Variants in MBD5 observed in about 807,000 individuals in gnomAD.
MBD5 encodes methyl-CpG binding domain protein 5.
A neutral mutation model predicts 117.3 loss-of-function variants in MBD5; 13 were observed. The observed-to-expected ratio is 0.11, with a 90% CI of 0.07 to 0.18. The LOEUF (loss-of-function observed/expected upper bound fraction) is 0.18, where lower values mean the gene tolerates loss of function less well. Among genes scored for constraint, MBD5 ranks in the 10% least tolerant of loss-of-function variants. The pLI is 1.00. For synonymous variants in MBD5, 727 were observed against 766.4 expected, an observed-to-expected ratio of 0.95 and a Z score of 0.85; for missense variants, 1,879 against 2,093.8, an observed-to-expected ratio of 0.90 and a Z score of 2.00.
intron 1 of MBD5, among the ~76,000 whole-genome samples, chr2:148,174,320 CTT>C (rs1178152892): frequency 3.9e-5 from 6 of 152,046 alleles, no homozygotes; most frequent in Admixed American, 2.6e-4. Context: ...GGATTAAAGA[CTT>C]AAATGTTAAG....
At position 148,401,424 on chromosome 2, in the gene MBD5, A is replaced by G. The variant is rs115364636; in HGVS notation, c.-556-56779A>G. 8.9e-3 allele frequency among the ~76,000 whole-genome samples: 1,356 copies of G among 152,176 alleles called. 20 individuals carry two copies. The highest frequency in any genetic ancestry group is 0.031 in the African/African-American group (1,301 of 41,562). On this transcript the variant is annotated intron_variant, in intron 4 of 13. Transcript: ENST00000642680. The stretch of plus-strand genomic sequence containing the variant: ...TGACTTCTATCTTTATAGTTCTTCA[A>G]AGATTACCATCATCAATCCAATCAT...
At position 148,182,188 on chromosome 2, in the gene MBD5, C is replaced by T. The variant is rs549984942; in HGVS notation, c.-831+3395C>T. Among the ~76,000 whole-genome samples the T allele has an allele frequency of 7.4e-3, 1,128 of 152,098 alleles. 11 individuals carry two copies. The highest frequency in any genetic ancestry group is 0.025 in the African/African-American group (1,053 of 41,526). On this transcript the variant is annotated intron_variant, in intron 2 of 13. Coordinates refer to ENST00000642680, the MANE Select transcript of MBD5 (RefSeq NM_001378120.1). ...ATGTTTTTTAATATATAACATTTAC[C>T]AGATTAAGAAAGGTTCTTCTATTTT...
intron 11 of MBD5, among the ~76,000 whole-genome samples, chr2:148,498,279 G>A (rs1157144774): frequency 3.3e-5 from 5 of 152,216 alleles, no homozygotes; most frequent in Non-Finnish European, 7.3e-5. Context: ...CAAGATTAAA[G>A]CCTGCAGAAA....
At chr2:148,425,855 G>A (rs1364036181) in intron 4 of MBD5, among the ~76,000 whole-genome samples, 1 of 152,096 alleles carries the variant, frequency 6.6e-6, no homozygotes, top group Non-Finnish European at 1.5e-5. Flanking sequence ...GCTAAAAACT[G>A]TCAATAAACT....
intron 2 of MBD5, among the ~76,000 whole-genome samples, chr2:148,186,590 T>A (rs1698664129): frequency 6.6e-6 from 1 of 152,200 alleles, no homozygotes; most frequent in Non-Finnish European, 1.5e-5. Context: ...GAGCCTCAAA[T>A]TAAAATAGAG....
chr2:148,079,132 A>G (rs935939638), intron 1 of MBD5, among the ~76,000 whole-genome samples: 1 of 152,246 alleles, frequency 6.6e-6, no homozygotes, highest in South Asian at 2.1e-4. Flanking sequence ...TTTTAAAAAC[A>G]AAATTTAAGT....
chr2:148,200,515 C>A (rs574629615), intron 2 of MBD5, among the ~76,000 whole-genome samples: 1 of 151,946 alleles, frequency 6.6e-6, no homozygotes, highest in Non-Finnish European at 1.5e-5. Context: ...CACAGTGAAA[C>A]TCCATCTCTG....
intron 4 of MBD5, among the ~76,000 whole-genome samples, chr2:148,368,902 A>G (rs935523737): frequency 6.6e-6 from 1 of 152,182 alleles, no homozygotes; most frequent in African/African-American, 2.4e-5. Flanking sequence ...TTCAAAATTT[A>G]ATTATAAAGG....
intron 4 of MBD5, among the ~76,000 whole-genome samples, chr2:148,383,838 A>T (rs575996336): frequency 6.6e-6 from 1 of 152,336 alleles, no homozygotes; most frequent in Admixed American, 6.5e-5. Flanking sequence ...TCCAGCATAT[A>T]AACAGAACCA....
intron 1 of MBD5, among the ~76,000 whole-genome samples, chr2:148,029,863 A>T (rs1693991444): frequency 6.6e-6 from 1 of 152,208 alleles, no homozygotes; most frequent in Non-Finnish European, 1.5e-5. Flanking sequence ...TAAGAGGTAT[A>T]AGTAACAGAT....
At chr2:148,510,511 G>A (rs1682185206) in intron 13 of MBD5, among the ~76,000 whole-genome samples, 1 of 152,230 alleles carries the variant, frequency 6.6e-6, no homozygotes, top group African/African-American at 2.4e-5. Flanking sequence ...CAAAAAGACA[G>A]TGGGGTCAAG....
In MBD5 at chr2:148,139,704, G is replaced by A. The variant is rs576346964; in HGVS notation, c.-924-38996G>A. On this transcript the variant is annotated intron_variant, in intron 1 of 13. Coordinates refer to ENST00000642680, the MANE Select transcript of MBD5 (RefSeq NM_001378120.1). The stretch of plus-strand genomic sequence containing the variant: ...TATCATTCTTGTACCTTTCTTCCCA[G>A]GATGACTTCTCCACTTTTAAACAAT... Among the ~76,000 whole-genome samples the A allele has an allele frequency of 9.2e-5, 14 of 152,112 alleles. No individual in the cohort carries two copies. In the East Asian group the frequency reaches 2.7e-3, roughly 29 times the overall value.
chr2:148,443,898 T>C (rs1188415697), intron 4 of MBD5, among the ~76,000 whole-genome samples: 1 of 151,300 alleles, frequency 6.6e-6, no homozygotes, highest in Non-Finnish European at 1.5e-5. Flanking sequence ...GAAAGTATAA[T>C]TGGATTGTTC....
intron 3 of MBD5, among the ~76,000 whole-genome samples, chr2:148,240,280 G>T (rs888396282): frequency 2.0e-5 from 3 of 152,138 alleles, no homozygotes; most frequent in African/African-American, 7.2e-5. Context: ...GGCAGGGGGA[G>T]GGGGAAGGGA....
intron 8 of MBD5, among the ~76,000 whole-genome samples, chr2:148,474,064 A>T (rs1680880798): frequency 6.6e-6 from 1 of 152,178 alleles, no homozygotes; most frequent in African/African-American, 2.4e-5. Flanking sequence ...CAAACTGCCA[A>T]ATGCAGGTAT....
At chr2:148,255,125 T>C (rs1216436484) in intron 3 of MBD5, among the ~76,000 whole-genome samples, 3 of 152,224 alleles carry the variant, frequency 2.0e-5, no homozygotes, top group Admixed American at 6.5e-5. Context: ...TGGAGCATGT[T>C]AACCTACGGT....
chr2:148,079,799 G>C (rs1202900673), intron 1 of MBD5, among the ~76,000 whole-genome samples: 1 of 151,994 alleles, frequency 6.6e-6, no homozygotes, highest in African/African-American at 2.4e-5. Context: ...GGAGGTTGCA[G>C]TGAGCTGAGA....
At chr2:148,224,992 AG>A (rs1204524356) in intron 2 of MBD5, among the ~76,000 whole-genome samples, 3 of 152,082 alleles carry the variant, frequency 2.0e-5, no homozygotes, top group Non-Finnish European at 4.4e-5. Flanking sequence ...AACAGATCAC[AG>A]GGTCTTGTCT....
rs946184910 is a variant in MBD5, at chr2:148,412,272, T to TTTTTTGTGTGTGTGTG, written c.-556-45930_-556-45929insTTTTGTGTGTGTGTGT. 9.8e-4 allele frequency among the ~76,000 whole-genome samples: 141 copies of TTTTTTGTGTGTGTGTG among 144,580 alleles called. 1 individual carries two copies. Among genetic ancestry groups the TTTTTTGTGTGTGTGTG allele is most frequent in the African/African-American group, 3.5e-3 (135 of 38,278 alleles). 94.9% of individuals were successfully genotyped at this position (144,580 alleles called of 152,430 possible). ...TTACTGTAGCCTTGTAGTATACTTT[T>TTTTTTGTGTGTGTGTG]TGTGTGTGTGTGTGTGTGTGTGTGT... On this transcript the variant is annotated intron_variant, in intron 4 of 13. Coordinates refer to ENST00000642680, the MANE Select transcript of MBD5 (RefSeq NM_001378120.1).
Sources: gnomAD v4.1 joint callset for allele counts (sites outside exome capture counted in the v4.1 genomes callset) on GRCh38, gnomAD v4.1.1 for gene constraint, MANE v1.5 for transcripts, NCBI Gene and HGNC (gene_info 2026-07-23, HGNC 2026-07-21) for gene names.